TBC1D22A: variants seen among roughly 807,000 people sequenced by gnomAD.
TBC1D22A encodes putative GTPase activator.
Under a neutral mutation model 60.2 loss-of-function variants are expected in TBC1D22A, and 38 were observed. That is an observed-to-expected ratio of 0.63 (90% CI 0.49 to 0.83). The LOEUF is 0.83. Among genes scored for constraint, TBC1D22A ranks in the 40% least tolerant of loss-of-function variants. The probability of loss-of-function intolerance (pLI) is 0.00; values close to 1 mark genes in which losing one functional copy is unlikely to be tolerated. For synonymous variants in TBC1D22A, 302 were observed against 281.7 expected, an observed-to-expected ratio of 1.07 and a Z score of -0.72; for missense variants, 628 against 701.0, an observed-to-expected ratio of 0.90 and a Z score of 1.18.
intron 11 of TBC1D22A, among the ~76,000 whole-genome samples, chr22:47,064,593 C>T (rs1375970008): frequency 6.6e-6 from 1 of 152,228 alleles, no homozygotes; most frequent in Admixed American, 6.5e-5. Context: ...CTGGCCCTGC[C>T]CAGCCGTGCT....
intron 8 of TBC1D22A, among the ~76,000 whole-genome samples, chr22:46,949,270 G>C (rs965283560): frequency 3.9e-5 from 6 of 152,234 alleles, no homozygotes; most frequent in Admixed American, 2.0e-4. Context: ...GGTCACACTC[G>C]TGTGGTTCAG....
chr22:46,878,718 C>G lies in TBC1D22A; in HGVS notation c.703C>G (p.Leu235Val), dbSNP rs766583001. ...AGTGCGTCCAATGACGTGGAAGCTC[C>G]TCTCAGTAAGTCCCACCGCACCGCC... The part of the protein sequence containing the change: ...KPVRPMTWKL[L>V]SGYLPANVDR... Residue 235 changes from leucine (L) to valine (V), a missense_variant, in exon 5 of 13, where the codon CTC (leucine) becomes GTC (valine). By Grantham distance (32) the Leu-to-Val change is conservative. Transcript: ENST00000337137. The G allele has an allele frequency of 5.6e-6, 9 of 1,613,008 alleles. No homozygotes were observed. The highest frequency in any genetic ancestry group is 7.6e-6 in the Non-Finnish European group (9 of 1,179,748).
intron 12 of TBC1D22A, among the ~76,000 whole-genome samples, chr22:47,161,809 G>A (rs1569478907): frequency 2.6e-5 from 4 of 152,360 alleles, no homozygotes; most frequent in Middle Eastern, 3.4e-3. Context: ...GCTCTCTAGC[G>A]TCCGCGAATA....
intron 9 of TBC1D22A, among the ~76,000 whole-genome samples, chr22:46,993,062 A>C (rs2075003626): frequency 6.6e-6 from 1 of 152,214 alleles, no homozygotes; most frequent in African/African-American, 2.4e-5. Context: ...GTGGAAGAGC[A>C]CTTTGTCAGA....
chr22:46,774,829 G>A (rs1044734503), intron 1 of TBC1D22A, among the ~76,000 whole-genome samples: 1 of 152,222 alleles, frequency 6.6e-6, no homozygotes, highest in Non-Finnish European at 1.5e-5. Flanking sequence ...TCATTTGAGC[G>A]CTGCCTCGCC....
chr22:46,974,232 G>T, intron 8 of TBC1D22A, 58 bp from the exon 9 acceptor site: 1 of 1,447,120 alleles, frequency 6.9e-7, no homozygotes. Flanking sequence ...GCCCCCTCGT[G>T]GGTCGAGGTC....
At chr22:47,065,661 G>A (rs1042931507) in intron 11 of TBC1D22A, among the ~76,000 whole-genome samples, 2 of 44,400 alleles carry the variant, frequency 4.5e-5, no homozygotes, top group Non-Finnish European at 7.6e-5. Flanking sequence ...GATTGAGGGA[G>A]ACCTGCGTGA....
chr22:46,994,402 C>T (rs13053235), intron 9 of TBC1D22A, among the ~76,000 whole-genome samples: 37,383 of 152,114 alleles, frequency 0.25, 4,932 homozygotes, highest in East Asian at 0.29. Flanking sequence ...CCCACCTTCG[C>T]CTCTCCCCGT....
chr22:46,953,912 A>G (rs982384722), intron 8 of TBC1D22A, among the ~76,000 whole-genome samples: 3 of 152,212 alleles, frequency 2.0e-5, no homozygotes, highest in African/African-American at 7.2e-5. Context: ...TTTTCCATGT[A>G]TAGGTAAGGA....
At chr22:47,103,866 G>A (rs896093855) in intron 11 of TBC1D22A, among the ~76,000 whole-genome samples, 23 of 152,152 alleles carry the variant, frequency 1.5e-4, no homozygotes, top group African/African-American at 3.6e-4. Context: ...TTAATTAACC[G>A]TATATATCAT....
At chr22:47,124,680 T>C (rs965490543) in intron 12 of TBC1D22A, among the ~76,000 whole-genome samples, 1 of 151,992 alleles carries the variant, frequency 6.6e-6, no homozygotes, top group African/African-American at 2.4e-5. Context: ...GAGGCAGGGC[T>C]TGGGGAGTGG....
intron 7 of TBC1D22A, among the ~76,000 whole-genome samples, chr22:46,900,718 AGG>A (rs1183687251): frequency 1.6e-4 from 24 of 152,340 alleles, no homozygotes; most frequent in African/African-American, 5.3e-4. Flanking sequence ...TGCAAGGATC[AGG>A]AGTTCATTGC....
chr22:46,907,445 A>G (rs1450836549), intron 7 of TBC1D22A, among the ~76,000 whole-genome samples: 3 of 152,210 alleles, frequency 2.0e-5, no homozygotes, highest in Non-Finnish European at 4.4e-5. Flanking sequence ...TCACAAACCC[A>G]GGCAGGCACC....
At chr22:47,000,029 A>G (rs1231321057) in intron 10 of TBC1D22A, among the ~76,000 whole-genome samples, 1 of 152,220 alleles carries the variant, frequency 6.6e-6, no homozygotes, top group Non-Finnish European at 1.5e-5. Flanking sequence ...CATCTCAAAA[A>G]CAAAAACCAA....
At chr22:47,158,573 C>T (rs988520012) in intron 12 of TBC1D22A, among the ~76,000 whole-genome samples, 33 of 152,104 alleles carry the variant, frequency 2.2e-4, no homozygotes, top group African/African-American at 7.5e-4. Flanking sequence ...AGGCTGTGCC[C>T]GCCCTCCCAG....
intron 10 of TBC1D22A, among the ~76,000 whole-genome samples, chr22:47,000,214 AGCGG>A (rs2075265882): frequency 6.6e-6 from 1 of 152,122 alleles, no homozygotes; most frequent in African/African-American, 2.4e-5. Flanking sequence ...TGCAAAGTCA[AGCGG>A]AAGTTTCAGC....
chr22:46,763,761 T>G (rs1358727660), intron 1 of TBC1D22A: 1 of 152,210 alleles, frequency 6.6e-6, no homozygotes, highest in African/African-American at 2.4e-5. Flanking sequence ...GTTTGAGTGT[T>G]TGAATGATAA....
chr22:47,146,246 G>T (rs1440929313), intron 12 of TBC1D22A, among the ~76,000 whole-genome samples: 3 of 152,200 alleles, frequency 2.0e-5, no homozygotes, highest in Non-Finnish European at 4.4e-5. Context: ...CTGTGTTCTC[G>T]TGCTGCTGGC....
At chr22:47,068,105 G>A (rs565128992) in intron 11 of TBC1D22A, among the ~76,000 whole-genome samples, 2 of 152,226 alleles carry the variant, frequency 1.3e-5, no homozygotes, top group Admixed American at 6.5e-5. Context: ...GTCTGGCCAC[G>A]GGCAGTGTCT....
Sources: gnomAD v4.1 joint callset for allele counts (sites outside exome capture counted in the v4.1 genomes callset) on GRCh38, gnomAD v4.1.1 for gene constraint, MANE v1.5 for transcripts, NCBI Gene and HGNC (gene_info 2026-07-23, HGNC 2026-07-21) for gene names.